Variants in KLF12 observed in about 807,000 individuals in gnomAD.
The protein encoded by KLF12 is KLF transcription factor 12.
In KLF12, 9 loss-of-function variants were observed where a neutral mutation model predicts 37.8. That is an observed-to-expected ratio of 0.24 (90% CI 0.14 to 0.42). KLF12 has a LOEUF of 0.42. Ranked by LOEUF, KLF12 falls within the 10% of genes least tolerant of loss-of-function variation. The pLI is 1.00. For synonymous variants in KLF12, 208 were observed against 202.1 expected (o/e 1.03, Z -0.25); for missense variants, 411 against 516.0 (o/e 0.80, Z 1.97).
chr13:74,096,735 G>A (rs1281584604), intron 1 of KLF12, among the ~76,000 whole-genome samples: 1 of 152,114 alleles, frequency 6.6e-6, no homozygotes, highest in East Asian at 1.9e-4. Flanking sequence ...TTACCTTCTA[G>A]TATCATTGAA....
intron 1 of KLF12, among the ~76,000 whole-genome samples, chr13:74,129,598 G>A (rs137860060): frequency 8.4e-4 from 128 of 151,930 alleles, no homozygotes; most frequent in African/African-American, 2.9e-3. Context: ...GACAGCAAAT[G>A]TGTTTGGAGC....
intron 3 of KLF12, among the ~76,000 whole-genome samples, chr13:73,922,267 CT>C (rs373771694): frequency 2.5e-4 from 38 of 152,144 alleles, no homozygotes; most frequent in Middle Eastern, 3.4e-3. Flanking sequence ...GTGGCGTTTG[CT>C]TTTTCCCCCT....
chr13:73,754,625 T>C (rs1182133700), intron 6 of KLF12, among the ~76,000 whole-genome samples: 2 of 152,126 alleles, frequency 1.3e-5, no homozygotes, highest in African/African-American at 4.8e-5. Flanking sequence ...TTGTACAGGA[T>C]GAAGACTTTC....
Position 73,689,766 on chromosome 13 carries a change from T to A in KLF12, c.*5724A>T, listed in dbSNP as rs886071904. On this transcript the variant is annotated 3_prime_UTR_variant, in exon 8 of 8. Transcript: ENST00000377669. Reference sequence around the variant, plus strand: ...GGAATGAAGAAATGTAAAGATGAATTTGTGCGTTTGATATGAGTGGATAAA... The same window carrying A: ...GGAATGAAGAAATGTAAAGATGAATATGTGCGTTTGATATGAGTGGATAAA... The A allele has an allele frequency of 6.6e-6, 1 of 152,160 alleles. No homozygotes were observed. Among genetic ancestry groups the A allele is most frequent in the Non-Finnish European group, 1.5e-5 (1 of 68,014 alleles). 9.4% of individuals were successfully genotyped at this position (152,160 alleles called of 1,614,324 possible). A position where few individuals can be genotyped will look rare whatever the true frequency, so the allele number is the denominator to read the frequency against.
At chr13:73,993,218 C>T (rs1397541086) in intron 2 of KLF12, among the ~76,000 whole-genome samples, 2 of 152,162 alleles carry the variant, frequency 1.3e-5, no homozygotes, top group South Asian at 2.1e-4. Context: ...GGTGACAGAG[C>T]GAGACTCCAT....
intron 1 of KLF12, among the ~76,000 whole-genome samples, chr13:74,031,416 C>T (rs1318605410): frequency 6.6e-6 from 1 of 152,084 alleles, no homozygotes; most frequent in Non-Finnish European, 1.5e-5. Context: ...CTCAGGTACA[C>T]AGAACTAGAT....
At chr13:74,004,280 C>A (rs1185326690) in intron 1 of KLF12, among the ~76,000 whole-genome samples, 1 of 152,090 alleles carries the variant, frequency 6.6e-6, no homozygotes, top group African/African-American at 2.4e-5. Flanking sequence ...GTCCTGGCAT[C>A]AGCAAATATT....
chr13:74,148,567 A>G, the KLF12 span, among the ~76,000 whole-genome samples: 1 of 142,360 alleles, frequency 7.0e-6, no homozygotes, highest in Non-Finnish European at 1.5e-5. Flanking sequence ...TGTTTAAACT[A>G]GTGGTAAACA....
At chr13:74,083,923 G>T (rs572068897) in intron 1 of KLF12, among the ~76,000 whole-genome samples, 3 of 152,276 alleles carry the variant, frequency 2.0e-5, no homozygotes, top group African/African-American at 7.2e-5. Flanking sequence ...CTAGGCAGAA[G>T]TTTTTGAGAT....
intron 5 of KLF12, among the ~76,000 whole-genome samples, chr13:73,798,697 A>T (rs1882126116): frequency 6.6e-6 from 1 of 152,214 alleles, no homozygotes; most frequent in Non-Finnish European, 1.5e-5. Flanking sequence ...GAGAAATGGA[A>T]ATCAAAACCA....
chr13:73,705,379 T>C (rs1461822975), intron 7 of KLF12, among the ~76,000 whole-genome samples: 1 of 152,210 alleles, frequency 6.6e-6, no homozygotes, highest in Non-Finnish European at 1.5e-5. Context: ...GTTCAAGCGA[T>C]GCTCTTGCCT....
chr13:74,300,936 C>T, the KLF12 span, among the ~76,000 whole-genome samples: 7 of 152,106 alleles, frequency 4.6e-5, no homozygotes, highest in African/African-American at 1.7e-4. Flanking sequence ...CTGACATTGA[C>T]AAATAGAGAA....
the KLF12 span, among the ~76,000 whole-genome samples, chr13:74,281,932 G>A: frequency 6.6e-6 from 1 of 152,116 alleles, no homozygotes; most frequent in Non-Finnish European, 1.5e-5. Context: ...ATCGGAGAGG[G>A]CTCCCTTCTG....
At chr13:73,920,552 T>C (rs9543487) in intron 3 of KLF12, among the ~76,000 whole-genome samples, 71,458 of 151,974 alleles carry the variant, frequency 0.47, 18,226 homozygotes, top group Non-Finnish European at 0.57. Context: ...AGCAAATCCA[T>C]CCCTCCTGTC....
chr13:73,781,231 G>A (rs1880945052), intron 5 of KLF12, among the ~76,000 whole-genome samples: 1 of 152,220 alleles, frequency 6.6e-6, no homozygotes, highest in African/African-American at 2.4e-5. Flanking sequence ...AAGATACAAT[G>A]TTATTGCACA....
At chr13:74,167,464 A>C in the KLF12 span, among the ~76,000 whole-genome samples, 1 of 152,218 alleles carries the variant, frequency 6.6e-6, no homozygotes, top group Admixed American at 6.5e-5. Context: ...TTTGGTTCTA[A>C]AGAGAAATAT....
the KLF12 span, among the ~76,000 whole-genome samples, chr13:74,251,300 C>G: frequency 1.3e-5 from 2 of 151,984 alleles, no homozygotes; most frequent in African/African-American, 4.8e-5. Flanking sequence ...TACAAGCATG[C>G]ATCCTGCTAA....
In KLF12 at chr13:73,710,763, C is replaced by T. The variant is rs1448509053; in HGVS notation, c.1027+4605G>A. On this transcript the variant is annotated intron_variant, in intron 7 of 7. Coordinates refer to ENST00000377669, the MANE Select transcript of KLF12 (RefSeq NM_007249.5). The stretch of plus-strand genomic sequence containing the variant: ...GAGACACAACAATATTGAAATTAGG[C>T]CAGTTAGTAACCCTAAGTGTTCAAG... Among the ~76,000 whole-genome samples, 3 of 129,272 alleles carry T rather than the reference C, an allele frequency of 2.3e-5. No individual in the cohort carries two copies. In the South Asian group the frequency reaches 8.9e-4, roughly 38 times the overall value. 84.8% of individuals were successfully genotyped at this position (129,272 alleles called of 152,430 possible).
chr13:74,213,484 A>G, the KLF12 span, among the ~76,000 whole-genome samples: 2 of 151,678 alleles, frequency 1.3e-5, no homozygotes, highest in African/African-American at 2.4e-5. Context: ...AATTGTATCA[A>G]TTTTTTTTGG....
Sources: allele counts gnomAD v4.1 joint callset (sites outside exome capture counted in the v4.1 genomes callset), GRCh38; gene constraint gnomAD v4.1.1; transcripts MANE v1.5; gene names NCBI Gene and HGNC (gene_info 2026-07-23, HGNC 2026-07-21).